ATP2B2: variants seen among roughly 807,000 people sequenced by gnomAD.
The protein encoded by ATP2B2 is ATPase plasma membrane Ca2+ transporting 2, also known as plasma membrane calcium-transporting ATPase 2.
ATP2B2 carries 15 observed loss-of-function variants against 120.0 expected under a neutral mutation model. The observed-to-expected ratio is 0.12, with a 90% CI of 0.08 to 0.19. The LOEUF is 0.19. Ranked by LOEUF, ATP2B2 falls within the 10% of genes least tolerant of loss-of-function variation. The probability of loss-of-function intolerance (pLI) is 1.00; values close to 1 mark genes in which losing one functional copy is unlikely to be tolerated. For missense variants in ATP2B2, 1,045 were observed against 1,719.8 expected (o/e 0.61, Z 6.94); for synonymous variants, 694 against 700.3 (o/e 0.99, Z 0.14).
chr3:10,556,230 C>T (rs891103056), intron 2 of ATP2B2, among the ~76,000 whole-genome samples: 9 of 152,272 alleles, frequency 5.9e-5, no homozygotes, highest in Admixed American at 4.6e-4. Context: ...GCAGTGCTCA[C>T]GGAAAACCCA....
chr3:10,530,174 T>G (rs1001830181), intron 3 of ATP2B2, among the ~76,000 whole-genome samples: 1 of 152,140 alleles, frequency 6.6e-6, no homozygotes, highest in African/African-American at 2.4e-5. Context: ...GCGCCTGAGG[T>G]CCTCACCATT....
Position 10,328,536 on chromosome 3 carries a change from G to A in ATP2B2, c.*278C>T. 6.4e-6 allele frequency: 3 copies of A among 470,128 alleles called. No homozygotes were observed. The highest frequency in any genetic ancestry group is 5.2e-5 in the South Asian group (2 of 38,294). 29.1% of individuals were successfully genotyped at this position (470,128 alleles called of 1,614,324 possible). On this transcript the variant is annotated 3_prime_UTR_variant, in exon 23 of 23. Transcript: ENST00000360273. The stretch of plus-strand genomic sequence containing the variant: ...CGGGTGCATGGCTGGTCCATGTCTG[G>A]GTGGGAGCCAGGAAGGGCTTGTTTT...
At position 10,340,604 on chromosome 3, in the gene ATP2B2, C is replaced by T. The variant is rs61736453; in HGVS notation, c.3018G>A (p.Gln1006=). Residue 1006 remains glutamine (Q), a synonymous_variant, in exon 20 of 23, where the codon CAG becomes CAA. Transcript: ENST00000360273. The surrounding 1 kb of genome is among the most constrained non-coding windows in gnomAD (Gnocchi z 5.0). ...TGCGGGCGTTGATCTCGTTGAAGAGCTGCATCATGACGAAGGTGTTGAAGA... is the reference window on the plus strand; with the variant it reads ...TGCGGGCGTTGATCTCGTTGAAGAGTTGCATCATGACGAAGGTGTTGAAGA... ...TIIFNTFVMM[Q]LFNEINARKI... 2.0e-3 allele frequency: 3,205 copies of T among 1,614,216 alleles called. 62 individuals carry two copies. The African/African-American group carries it at 0.039, about 20-fold the overall frequency.
chr3:10,415,173 T>C (rs1575161743), intron 2 of ATP2B2, among the ~76,000 whole-genome samples: 1 of 152,344 alleles, frequency 6.6e-6, no homozygotes, highest in East Asian at 1.9e-4. Context: ...ACTGCCTTCA[T>C]TTCTCCTTTT....
At chr3:10,418,176 A>T (rs765058325) in intron 2 of ATP2B2, among the ~76,000 whole-genome samples, 2 of 152,204 alleles carry the variant, frequency 1.3e-5, no homozygotes, top group Non-Finnish European at 2.9e-5. Flanking sequence ...AGCAGCATGC[A>T]TCGAGCTGTC....
At chr3:10,529,926 C>A (rs529085861) in intron 3 of ATP2B2, among the ~76,000 whole-genome samples, 1 of 152,100 alleles carries the variant, frequency 6.6e-6, no homozygotes, top group Non-Finnish European at 1.5e-5. Context: ...CAAAGATGGC[C>A]GGCGAACCAC....
At chr3:10,687,348 T>G in intron 1 of ATP2B2, among the ~76,000 whole-genome samples, 1 of 152,144 alleles carries the variant, frequency 6.6e-6, no homozygotes, top group East Asian at 1.9e-4. Context: ...GCCCAGGCAT[T>G]GTTAACTTAT....
chr3:10,358,937 T>G lies in ATP2B2; in HGVS notation c.1902-12A>C, dbSNP rs1310988080. 6.2e-7 allele frequency: 1 copy of G among 1,612,566 alleles called. No individual in the cohort carries two copies. The highest frequency in any genetic ancestry group is 1.1e-5 in the South Asian group (1 of 91,014). On this transcript the variant is annotated splice_polypyrimidine_tract_variant and intron_variant, in intron 13 of 22. Transcript: ENST00000360273. ...GGATTTTGCAGCACCTAGGGGAGGA[T>G]GGAAGGGAGATGGGGAGCCCAGGGA...
intron 1 of ATP2B2, among the ~76,000 whole-genome samples, chr3:10,706,918 G>C (rs555804261): frequency 6.6e-6 from 1 of 152,224 alleles, no homozygotes; most frequent in African/African-American, 2.4e-5. Flanking sequence ...TTTCACTCCT[G>C]CCCCCTGCTG....
intron 1 of ATP2B2, among the ~76,000 whole-genome samples, chr3:10,470,858 C>A (rs1041578333): frequency 2.0e-5 from 3 of 152,182 alleles, no homozygotes; most frequent in African/African-American, 7.2e-5. Flanking sequence ...TTCCCCCACC[C>A]CCATGTCTCG....
intron 2 of ATP2B2, among the ~76,000 whole-genome samples, chr3:10,421,465 C>A (rs1315513214): frequency 6.6e-6 from 1 of 152,194 alleles, no homozygotes; most frequent in African/African-American, 2.4e-5. Context: ...TCCCCAGGTA[C>A]ACAGAACACT....
At chr3:10,617,583 T>C (rs2069428105) in intron 2 of ATP2B2, among the ~76,000 whole-genome samples, 1 of 152,220 alleles carries the variant, frequency 6.6e-6, no homozygotes, top group South Asian at 2.1e-4. Flanking sequence ...GTCACCCACA[T>C]GCCCAAGGCC....
At chr3:10,597,155 ACACACAGGCACG>A (rs1012307042) in intron 2 of ATP2B2, among the ~76,000 whole-genome samples, 5 of 151,118 alleles carry the variant, frequency 3.3e-5, no homozygotes, top group Admixed American at 6.6e-5. Context: ...ACAGGCACAT[ACACACAGGCACG>A]CACACAGGCA....
At chr3:10,386,544 A>C (rs750652966) in intron 6 of ATP2B2, 32 bp from the exon 7 acceptor site, 16 of 1,613,658 alleles carry the variant, frequency 9.9e-6, no homozygotes, top group Admixed American at 1.7e-5. Context: ...ATGTTAATGA[A>C]GGAGAAGCAC....
rs563609119 is a variant in ATP2B2 at position 10,361,404 on chromosome 3, C to T, written c.1660-1281G>A. 9.2e-5 allele frequency among the ~76,000 whole-genome samples: 14 copies of T among 152,308 alleles called. No homozygotes were observed. In the South Asian group the frequency reaches 2.9e-3, roughly 32 times the overall value. ...TTCCTTTTTAACTGCTCTATAGATG[C>T]CATGATATGAATATGCTGCAAAGAC... On this transcript the variant is annotated intron_variant, in intron 12 of 22. Coordinates refer to ENST00000360273, the MANE Select transcript of ATP2B2 (RefSeq NM_001001331.4).
chr3:10,607,722 G>C (rs1328179539), intron 2 of ATP2B2, among the ~76,000 whole-genome samples: 1 of 152,230 alleles, frequency 6.6e-6, no homozygotes, highest in Non-Finnish European at 1.5e-5. Flanking sequence ...AGCTAAGCCT[G>C]CTGTAGGTGC....
Position 10,482,740 on chromosome 3 carries a change from G to A in ATP2B2, c.-320+22725C>T, listed in dbSNP as rs547266189. ...CCTGAGCCTTCTGACTGAGAGTGAGGAAGTCTGAATTCTGCTCACCCACAG... is the reference window on the plus strand; with the variant it reads ...CCTGAGCCTTCTGACTGAGAGTGAGAAAGTCTGAATTCTGCTCACCCACAG... On this transcript the variant is annotated intron_variant, in intron 1 of 22. Transcript: ENST00000360273. Among the ~76,000 whole-genome samples the A allele has an allele frequency of 9.8e-5, 15 of 152,358 alleles. 1 individual carries two copies. The South Asian group carries it at 2.5e-3, about 25-fold the overall frequency.
intron 2 of ATP2B2, among the ~76,000 whole-genome samples, chr3:10,550,337 T>C (rs540594453): frequency 6.6e-6 from 1 of 152,232 alleles, no homozygotes; most frequent in Non-Finnish European, 1.5e-5. Context: ...ACAGAGTGTT[T>C]TACCTGGCCA....
At chr3:10,538,071 T>C (rs2067357225) in intron 2 of ATP2B2, among the ~76,000 whole-genome samples, 1 of 152,246 alleles carries the variant, frequency 6.6e-6, no homozygotes, top group Admixed American at 6.5e-5. Context: ...TTTTCACATG[T>C]ATACACATGA....
Sources: gnomAD v4.1 joint callset for allele counts (sites outside exome capture counted in the v4.1 genomes callset) on GRCh38, gnomAD v4.1.1 for gene constraint, Gnocchi (gnomAD v3.1) non-coding constraint, MANE v1.5 for transcripts, NCBI Gene and HGNC (gene_info 2026-07-23, HGNC 2026-07-21) for gene names.